NOPCHAP1: variants seen among roughly 807,000 people sequenced by gnomAD.
NOPCHAP1 encodes NOP protein chaperone 1.
NOPCHAP1 carries 13 observed loss-of-function variants against 14.0 expected under a neutral mutation model. The ratio of observed to expected loss-of-function variants is 0.93; its 90% confidence interval spans 0.60 to 1.47. The LOEUF is 1.47. Ranked by LOEUF, NOPCHAP1 falls within the 40% of genes most tolerant of loss-of-function variation. NOPCHAP1 has a pLI of 0.00. For synonymous variants in NOPCHAP1, 78 were observed against 78.4 expected, an observed-to-expected ratio of 1.00 and a Z score of 0.03; for missense variants, 230 against 226.9, an observed-to-expected ratio of 1.01 and a Z score of -0.09.
rs967465966 is a variant in NOPCHAP1, at chr12:105,014,154, C to T, written c.*19458C>T. ...TTACAGTACTAGAGTTAATTTTATG[C>T]AGTTATGATTTAATACTGTGTCTTT... On this transcript the variant is annotated 3_prime_UTR_variant, in exon 4 of 4. Transcript: ENST00000552951. 1.3e-5 allele frequency: 2 copies of T among 152,140 alleles called. No individual in the cohort carries two copies. Among genetic ancestry groups the T allele is most frequent in the African/African-American group, 2.4e-5 (1 of 41,430 alleles). The allele number at this position is 152,140 out of a possible 1,614,324, so 9.4% of individuals were successfully genotyped here.
intron 1 of NOPCHAP1, among the ~76,000 whole-genome samples, chr12:104,986,996 A>G (rs1873255036): frequency 6.6e-6 from 1 of 152,228 alleles, no homozygotes; most frequent in Non-Finnish European, 1.5e-5. Flanking sequence ...CACGAGTTCG[A>G]ATCCCAGCTC....
In NOPCHAP1 at chr12:104,986,348, G is replaced by C. The variant is rs748382201; in HGVS notation, c.-5G>C. On this transcript the variant is annotated 5_prime_UTR_variant, in exon 1 of 4. Coordinates refer to ENST00000552951, the MANE Select transcript of NOPCHAP1 (RefSeq NM_152318.3). Reference sequence around the variant, plus strand: ...CGGGCCTGAGAGTGCAGGCTTGAGGGAAGCATGGAGGTCCATGGCAAGCCC... The same window carrying C: ...CGGGCCTGAGAGTGCAGGCTTGAGGCAAGCATGGAGGTCCATGGCAAGCCC... The C allele has an allele frequency of 1.9e-6, 3 of 1,604,916 alleles. No individual in the cohort carries two copies. The South Asian group carries it at 3.4e-5, about 18-fold the overall frequency.
Position 105,004,106 on chromosome 12 carries a change from G to A in NOPCHAP1, c.*9410G>A, listed in dbSNP as rs895365298. The A allele has an allele frequency of 2.0e-5, 3 of 152,144 alleles. No homozygotes were observed. The highest frequency in any genetic ancestry group is 4.4e-5 in the Non-Finnish European group (3 of 68,020). 9.4% of individuals were successfully genotyped at this position (152,144 alleles called of 1,614,324 possible). ...TTGTTTCTCAGAGAAACCAGAGCTA[G>A]TTTTTAAAGAGTTGGGATATATAGC... On this transcript the variant is annotated 3_prime_UTR_variant, in exon 4 of 4. Coordinates refer to ENST00000552951, the MANE Select transcript of NOPCHAP1 (RefSeq NM_152318.3).
At position 105,009,611 on chromosome 12, in the gene NOPCHAP1, AG is replaced by A. The variant is rs1873773400; in HGVS notation, c.*14916del. On this transcript the variant is annotated 3_prime_UTR_variant, in exon 4 of 4. Transcript: ENST00000552951. ...TATTGGCTGTGGGTTTGTCATAAAA[AG>A]CTCCTATTGTTTTGAAATATGTTCC... 1 of 152,176 alleles carries A rather than the reference AG, an allele frequency of 6.6e-6. No individual in the cohort carries two copies. The highest frequency in any genetic ancestry group is 2.4e-5 in the African/African-American group (1 of 41,448). 9.4% of individuals were successfully genotyped at this position (152,176 alleles called of 1,614,324 possible).
rs1453288584 is a variant in NOPCHAP1 at position 104,997,509 on chromosome 12, A to C, written c.*2813A>C. On this transcript the variant is annotated 3_prime_UTR_variant, in exon 4 of 4. Transcript: ENST00000552951. ...GTATAATAATAAAAATAAATAAATA[A>C]AGAATGCTGAATATAGGCCCCCGAT... The C allele has an allele frequency of 3.3e-5, 5 of 152,180 alleles. No individual in the cohort carries two copies. Among genetic ancestry groups the C allele is most frequent in the African/African-American group, 1.2e-4 (5 of 41,434 alleles). The allele number at this position is 152,180 out of a possible 1,614,324, so 9.4% of individuals were successfully genotyped here.
chr12:104,987,726 A>G (rs1044656633), intron 1 of NOPCHAP1, among the ~76,000 whole-genome samples: 5 of 152,210 alleles, frequency 3.3e-5, no homozygotes, highest in Admixed American at 2.6e-4. Flanking sequence ...GGGAAGGGGA[A>G]ATACCAGGCA....
rs1394071963 is a variant in NOPCHAP1, at chr12:105,007,953, G to T, written c.*13257G>T. ...CCAAGTCTTTGCTATTGTGAGCAGT[G>T]CTGCAGTAAACATACATGTGTCTTT... is the stretch of plus-strand genomic sequence containing the variant. On this transcript the variant is annotated 3_prime_UTR_variant, in exon 4 of 4. Coordinates refer to ENST00000552951, the MANE Select transcript of NOPCHAP1 (RefSeq NM_152318.3). 2 of 152,170 alleles carry T rather than the reference G, an allele frequency of 1.3e-5. No homozygotes were observed. The allele number at this position is 152,170 out of a possible 1,614,324, so 9.4% of individuals were successfully genotyped here.
In NOPCHAP1 at chr12:105,008,911, T is replaced by C. The variant is rs1873759810; in HGVS notation, c.*14215T>C. On this transcript the variant is annotated 3_prime_UTR_variant, in exon 4 of 4. Coordinates refer to ENST00000552951, the MANE Select transcript of NOPCHAP1 (RefSeq NM_152318.3). ...CCTTGTAGTATAGTTTGAAGTCAGG[T>C]AGCGTGATTCCTCCAGCTTTGTTCT... is the stretch of plus-strand genomic sequence containing the variant. The C allele has an allele frequency of 6.6e-6, 1 of 152,234 alleles. No individual in the cohort carries two copies. Among genetic ancestry groups the C allele is most frequent in the East Asian group, 1.9e-4 (1 of 5,202 alleles). 9.4% of individuals were successfully genotyped at this position (152,234 alleles called of 1,614,324 possible). A position where few individuals can be genotyped will look rare whatever the true frequency, so the allele number is the denominator to read the frequency against.
intron 1 of NOPCHAP1, among the ~76,000 whole-genome samples, chr12:104,986,750 C>T (rs981167047): frequency 6.6e-6 from 1 of 152,218 alleles, no homozygotes; most frequent in Non-Finnish European, 1.5e-5. Flanking sequence ...CAGGCATCTG[C>T]CCTGCCCTGG....
chr12:104,988,812 C>T (rs1873308233), intron 2 of NOPCHAP1, among the ~76,000 whole-genome samples: 1 of 152,060 alleles, frequency 6.6e-6, no homozygotes, highest in Admixed American at 6.5e-5. Flanking sequence ...GAAGGTATCA[C>T]ATCAATAAAC....
chr12:105,017,025 G>A lies in NOPCHAP1; in HGVS notation c.*22329G>A, dbSNP rs1016543399. 1 of 152,208 alleles carries A rather than the reference G, an allele frequency of 6.6e-6. No individual in the cohort carries two copies. Among genetic ancestry groups the A allele is most frequent in the Non-Finnish European group, 1.5e-5 (1 of 68,028 alleles). 9.4% of individuals were successfully genotyped at this position (152,208 alleles called of 1,614,324 possible). On this transcript the variant is annotated 3_prime_UTR_variant, in exon 4 of 4. Transcript: ENST00000552951. Reference sequence around the variant, plus strand: ...TGGCGTACCGTCTTTCTATGGCTCTGTGACAGTTACAGATCCGAAAATTAG... The same window carrying A: ...TGGCGTACCGTCTTTCTATGGCTCTATGACAGTTACAGATCCGAAAATTAG...
At chr12:104,991,385 G>A (rs1410215403) in intron 2 of NOPCHAP1, among the ~76,000 whole-genome samples, 2 of 152,156 alleles carry the variant, frequency 1.3e-5, no homozygotes, top group Non-Finnish European at 2.9e-5. Flanking sequence ...CTAGTTATTC[G>A]TACCCTAAAG....
chr12:105,010,593 G>T lies in NOPCHAP1; in HGVS notation c.*15897G>T, dbSNP rs1420554218. ...AGAGTATCGATTTTAGATCTTTCCC[G>T]CTTTCTCCTGTGGGCATTTAGTGCT... On this transcript the variant is annotated 3_prime_UTR_variant, in exon 4 of 4. Coordinates refer to ENST00000552951, the MANE Select transcript of NOPCHAP1 (RefSeq NM_152318.3). 3 of 152,030 alleles carry T rather than the reference G, an allele frequency of 2.0e-5. No homozygotes were observed. The highest frequency in any genetic ancestry group is 2.0e-4 in the Admixed American group (3 of 15,266). The allele number at this position is 152,030 out of a possible 1,614,324, so 9.4% of individuals were successfully genotyped here. A position where few individuals can be genotyped will look rare whatever the true frequency, so the allele number is the denominator to read the frequency against.
intron 2 of NOPCHAP1, 91 bp downstream of exon 2, chr12:104,988,344 C>G (rs1273657006): frequency 1.0e-6 from 1 of 988,226 alleles, no homozygotes; most frequent in Non-Finnish European, 1.5e-6. Context: ...TGTCAGGTAT[C>G]AAACCACAGA....
rs1301710205 is a variant in NOPCHAP1, at chr12:104,996,822, A to G, written c.*2126A>G. On this transcript the variant is annotated 3_prime_UTR_variant, in exon 4 of 4. Transcript: ENST00000552951. Reference sequence around the variant, plus strand: ...TGTTTAGGATAGTTAGGTCTTATTGAATTAAGCCCTTTATCATTATGTAAT... The same window carrying G: ...TGTTTAGGATAGTTAGGTCTTATTGGATTAAGCCCTTTATCATTATGTAAT... 1 of 152,122 alleles carries G rather than the reference A, an allele frequency of 6.6e-6. No individual in the cohort carries two copies. The highest frequency in any genetic ancestry group is 1.5e-5 in the Non-Finnish European group (1 of 68,024). The allele number at this position is 152,122 out of a possible 1,614,324, so 9.4% of individuals were successfully genotyped here. A position where few individuals can be genotyped will look rare whatever the true frequency, so the allele number is the denominator to read the frequency against.
Position 104,994,836 on chromosome 12 carries a change from CAG to C in NOPCHAP1, c.*143_*144del, listed in dbSNP as rs1245554904. The C allele has an allele frequency of 2.7e-6, 2 of 752,102 alleles. No individual in the cohort carries two copies. Among genetic ancestry groups the C allele is most frequent in the Admixed American group, 2.8e-5 (1 of 36,336 alleles). 46.6% of individuals were successfully genotyped at this position (752,102 alleles called of 1,614,324 possible). A position where few individuals can be genotyped will look rare whatever the true frequency, so the allele number is the denominator to read the frequency against. On this transcript the variant is annotated 3_prime_UTR_variant, in exon 4 of 4. Coordinates refer to ENST00000552951, the MANE Select transcript of NOPCHAP1 (RefSeq NM_152318.3). ...AAAACTTTAGACAAGTTAAATTTGA[CAG>C]AGTTTCTTTGGGCAAAGAATGATTA...
In NOPCHAP1 at chr12:105,008,891, T is replaced by C. The variant is rs1048557458; in HGVS notation, c.*14195T>C. 1 of 152,228 alleles carries C rather than the reference T, an allele frequency of 6.6e-6. No individual in the cohort carries two copies. Among genetic ancestry groups the C allele is most frequent in the African/African-American group, 2.4e-5 (1 of 41,464 alleles). 9.4% of individuals were successfully genotyped at this position (152,228 alleles called of 1,614,324 possible). ...TGCTGTTTTGGTTACTATAGCCTTG[T>C]AGTATAGTTTGAAGTCAGGTAGCGT... On this transcript the variant is annotated 3_prime_UTR_variant, in exon 4 of 4. Transcript: ENST00000552951.
At position 105,008,365 on chromosome 12, in the gene NOPCHAP1, T is replaced by C. The variant is rs1357228111; in HGVS notation, c.*13669T>C. 2 of 152,222 alleles carry C rather than the reference T, an allele frequency of 1.3e-5. No homozygotes were observed. Among genetic ancestry groups the C allele is most frequent in the African/African-American group, 4.8e-5 (2 of 41,448 alleles). The allele number at this position is 152,222 out of a possible 1,614,324, so 9.4% of individuals were successfully genotyped here. ...TTCTCGTAAATTTGTTTAAGTTCTT[T>C]GTAGATTATGGATATTAGCTCTTTG... On this transcript the variant is annotated 3_prime_UTR_variant, in exon 4 of 4. Transcript: ENST00000552951.
rs546255889 is a variant in NOPCHAP1 at position 105,015,876 on chromosome 12, C to A, written c.*21180C>A. ...AAGATTAGATTCTCTAGCCTCATAT[C>A]ATATGCAAAGATAAATTATATATGG... On this transcript the variant is annotated 3_prime_UTR_variant, in exon 4 of 4. Transcript: ENST00000552951. 6.6e-6 allele frequency: 1 copy of A among 151,716 alleles called. No individual in the cohort carries two copies. The highest frequency in any genetic ancestry group is 2.4e-5 in the African/African-American group (1 of 41,256). The allele number at this position is 151,716 out of a possible 1,614,324, so 9.4% of individuals were successfully genotyped here.
Sources: allele counts gnomAD v4.1 joint callset (sites outside exome capture counted in the v4.1 genomes callset), GRCh38; gene constraint gnomAD v4.1.1; transcripts MANE v1.5; gene names NCBI Gene and HGNC (gene_info 2026-07-23, HGNC 2026-07-21).